The following CAPN14 variants were observed in gnomAD, a reference collection of about 807,000 sequenced individuals.
CAPN14 encodes the protein calpain 14.
CAPN14 carries 94 observed loss-of-function variants against 101.3 expected under a neutral mutation model. That is an observed-to-expected ratio of 0.93 (90% CI 0.79 to 1.10). CAPN14 has a LOEUF of 1.10. Among genes scored for constraint, CAPN14 ranks in the 50% least tolerant of loss-of-function variants. The pLI, the probability that CAPN14 is intolerant of heterozygous loss-of-function variation, is 0.00. For missense variants in CAPN14, 837 were observed against 828.4 expected (o/e 1.01, Z -0.13); for synonymous variants, 338 against 317.9 (o/e 1.06, Z -0.67).
At position 31,175,228 on chromosome 2, in the gene CAPN14, A is replaced by G. The variant is rs1249729644; in HGVS notation, c.2029-521T>C. Among the ~76,000 whole-genome samples the G allele has an allele frequency of 2.6e-5, 4 of 152,174 alleles. No homozygotes were observed. In the East Asian group the frequency reaches 7.7e-4, roughly 29 times the overall value. Reference sequence around the variant, plus strand: ...GAAAGCCTCAGCGTGAAATCCAACAAGGTGGCTGCCATTCCCTGCAGACCT... The same window carrying G: ...GAAAGCCTCAGCGTGAAATCCAACAGGGTGGCTGCCATTCCCTGCAGACCT... On this transcript the variant is annotated intron_variant, in intron 21 of 21. Transcript: ENST00000403897.
intron 10 of CAPN14, 78 bp from the exon 11 acceptor site, chr2:31,192,176 C>T (rs981653913): frequency 9.7e-6 from 14 of 1,438,608 alleles, no homozygotes; most frequent in Admixed American, 2.6e-5. Context: ...AAGAGGTGAA[C>T]AGTCTGAGGA....
At chr2:31,194,358 G>T in intron 9 of CAPN14, 51 bp downstream of exon 9, 1 of 1,372,158 alleles carries the variant, frequency 7.3e-7, no homozygotes. Flanking sequence ...TCTGCTGGAT[G>T]GGTTTTCAAA....
At chr2:31,207,081 C>T (rs566109110) in intron 1 of CAPN14, among the ~76,000 whole-genome samples, 17 of 152,304 alleles carry the variant, frequency 1.1e-4, no homozygotes, top group Admixed American at 9.2e-4. Flanking sequence ...CTACAAACTG[C>T]CTATTACACC....
chr2:31,198,254 T>C (rs1427139878), intron 7 of CAPN14, among the ~76,000 whole-genome samples: 1 of 152,180 alleles, frequency 6.6e-6, no homozygotes, highest in Non-Finnish European at 1.5e-5. Flanking sequence ...GGAAGCCCCC[T>C]CCCTGCTCCG....
At chr2:31,214,728 G>C (rs772048837) in intron 1 of CAPN14, among the ~76,000 whole-genome samples, 1 of 152,124 alleles carries the variant, frequency 6.6e-6, no homozygotes, top group Non-Finnish European at 1.5e-5. Flanking sequence ...CAGAGAATAA[G>C]ACTCCCTGGA....
intron 5 of CAPN14, among the ~76,000 whole-genome samples, chr2:31,201,295 T>G (rs1681768555): frequency 6.6e-6 from 1 of 152,134 alleles, no homozygotes. Flanking sequence ...AAGTACCCTC[T>G]AGGGTCTGTA....
At chr2:31,200,157 C>A (rs1380957141) in intron 6 of CAPN14, among the ~76,000 whole-genome samples, 1 of 152,178 alleles carries the variant, frequency 6.6e-6, no homozygotes, top group Non-Finnish European at 1.5e-5. Context: ...GTGACCATCA[C>A]CATGCCCGGC....
At chr2:31,213,812 C>G (rs1427818797) in intron 1 of CAPN14, among the ~76,000 whole-genome samples, 1 of 152,156 alleles carries the variant, frequency 6.6e-6, no homozygotes, top group African/African-American at 2.4e-5. Context: ...GGGCAGTTTT[C>G]AGGTGGTTCT....
In CAPN14 at chr2:31,193,172, T is replaced by A. The variant is rs1401864621; in HGVS notation, c.1073A>T (p.Glu358Val). 1.3e-6 allele frequency: 2 copies of A among 1,551,268 alleles called. No individual in the cohort carries two copies. Among genetic ancestry groups the A allele is most frequent in the Admixed American group, 3.9e-5 (2 of 50,978 alleles). Residue 358 changes from glutamate to valine, a missense_variant, in exon 10 of 22, where the codon GAG (glutamate) becomes GTG (valine). Glu to Val is a moderately radical substitution (Grantham distance 121). Coordinates refer to ENST00000403897, the MANE Select transcript of CAPN14 (RefSeq NM_001145122.2). ...WTYTMREGRW[E>V]KRSTAGGQRQ... Reference sequence around the variant, plus strand: ...CTGGCCACCAGCTGTGCTCCGCTTCTCCCATCTCCCCTCCCGCATGGTGTA... The same window carrying A: ...CTGGCCACCAGCTGTGCTCCGCTTCACCCATCTCCCCTCCCGCATGGTGTA...
chr2:31,222,931 G>A (rs903162307), intron 2 of CAPN14, among the ~76,000 whole-genome samples: 3 of 152,150 alleles, frequency 2.0e-5, no homozygotes, highest in African/African-American at 7.2e-5. Flanking sequence ...AGTTATGAAT[G>A]GGATTAGGGC....
At chr2:31,182,275 A>G (rs1165992007) in intron 16 of CAPN14, among the ~76,000 whole-genome samples, 1 of 150,124 alleles carries the variant, frequency 6.7e-6, no homozygotes, top group Non-Finnish European at 1.5e-5. Context: ...AAACTGGCAC[A>G]AGACAGGGAT....
chr2:31,193,347 T>C (rs11124248), intron 9 of CAPN14, 53 bp from the exon 10 acceptor site: 800,481 of 1,526,550 alleles, frequency 0.52, 214,428 homozygotes, highest in East Asian at 0.63. Context: ...AACGCCTAGT[T>C]ATCAGGACCC....
upstream of CAPN14, among the ~76,000 whole-genome samples, chr2:31,221,510 A>C (rs1046770593): frequency 6.6e-6 from 1 of 152,002 alleles, no homozygotes; most frequent in African/African-American, 2.4e-5. Context: ...CAAGTGTCTC[A>C]CAGTTTTACC....
chr2:31,174,639 AC>A lies in CAPN14; in HGVS notation c.*41del, dbSNP rs1477295600. 2 of 1,550,104 alleles carry A rather than the reference AC, an allele frequency of 1.3e-6. No homozygotes were observed. Among genetic ancestry groups the A allele is most frequent in the African/African-American group, 2.7e-5 (2 of 73,024 alleles). ...CTCAGCCAAAGGCTGCTCTTGGGCCACATGCAGAGTCTTCAGTGAGGGCAGG... is the reference window on the plus strand; with the variant it reads ...CTCAGCCAAAGGCTGCTCTTGGGCCAATGCAGAGTCTTCAGTGAGGGCAGG... On this transcript the variant is annotated 3_prime_UTR_variant, in exon 22 of 22. Transcript: ENST00000403897.
intron 19 of CAPN14, 40 bp from the exon 20 acceptor site, chr2:31,177,182 T>C (rs1254399873): frequency 2.2e-6 from 3 of 1,392,076 alleles, no homozygotes; most frequent in Admixed American, 2.0e-5. Context: ...TATTGGGGGC[T>C]TGCACCCAGC....
chr2:31,174,568 G>T lies in CAPN14; in HGVS notation c.*113C>A. On this transcript the variant is annotated 3_prime_UTR_variant, in exon 22 of 22. Transcript: ENST00000403897. ...TTCCCAGCTGAGAAGGTGACGGCTA[G>T]TGAGGCTGTCCTGAAGATCAGTAAG... 1 of 1,137,042 alleles carries T rather than the reference G, an allele frequency of 8.8e-7. No homozygotes were observed. The highest frequency in any genetic ancestry group is 2.6e-5 in the East Asian group (1 of 38,662). 70.4% of individuals were successfully genotyped at this position (1,137,042 alleles called of 1,614,324 possible). A position where few individuals can be genotyped will look rare whatever the true frequency, so the allele number is the denominator to read the frequency against.
intron 16 of CAPN14, among the ~76,000 whole-genome samples, chr2:31,186,146 T>G (rs1380831706): frequency 6.6e-6 from 1 of 152,250 alleles, no homozygotes; most frequent in African/African-American, 2.4e-5. Context: ...AAAGAGGTAC[T>G]CAGTTATTCC....
chr2:31,178,978 TAAAC>T (rs1680450277), intron 17 of CAPN14, among the ~76,000 whole-genome samples: 1 of 151,010 alleles, frequency 6.6e-6, no homozygotes, highest in South Asian at 2.1e-4. Flanking sequence ...CACCTAAACA[TAAAC>T]AAATTAAATA....
chr2:31,190,012 C>T (rs888952365), intron 12 of CAPN14, among the ~76,000 whole-genome samples: 17 of 152,228 alleles, frequency 1.1e-4, no homozygotes, highest in Non-Finnish European at 2.2e-4. Context: ...ATAAGCTGGA[C>T]ATTCCGCATC....
Sources: allele counts gnomAD v4.1 joint callset (sites outside exome capture counted in the v4.1 genomes callset), GRCh38; gene constraint gnomAD v4.1.1; transcripts MANE v1.5; gene names NCBI Gene and HGNC (gene_info 2026-07-23, HGNC 2026-07-21).